AXIN2: variants seen among roughly 807,000 people sequenced by gnomAD.
The protein encoded by AXIN2 is axin-2.
Under a neutral mutation model 74.7 loss-of-function variants are expected in AXIN2, and 21 were observed. The observed-to-expected ratio is 0.28, with a 90% CI of 0.20 to 0.40. The LOEUF (loss-of-function observed/expected upper bound fraction) is 0.40. Ranked by LOEUF, AXIN2 falls within the 10% of genes least tolerant of loss-of-function variation. The pLI, the probability that AXIN2 is intolerant of heterozygous loss-of-function variation, is 1.00. For synonymous variants in AXIN2, 532 were observed against 454.9 expected (o/e 1.17, Z -2.16); for missense variants, 1,144 against 1,111.1 (o/e 1.03, Z -0.42).
intron 10 of AXIN2, among the ~76,000 whole-genome samples, chr17:65,532,446 T>C (rs866100291): frequency 1.1e-4 from 16 of 152,194 alleles, no homozygotes; most frequent in African/African-American, 3.1e-4. Context: ...CAGCCAGGCC[T>C]GTTCCCCCAC....
chr17:65,541,585 C>T, intron 3 of AXIN2, 28 bp from the exon 4 acceptor site: 2 of 1,586,740 alleles, frequency 1.3e-6, no homozygotes, highest in Non-Finnish European at 1.7e-6. Context: ...ACAGAATCCA[C>T]AGGCTTACGA....
chr17:65,535,618 A>G lies in AXIN2; in HGVS notation c.2237+8T>C. On this transcript the variant is annotated splice_region_variant and intron_variant, in intron 9 of 10. Transcript: ENST00000307078. ...CAGATCTCAGTAATGTCAGGTAAAGACACTCACTCTTCTGGAGCCAGGCTT... is the reference window on the plus strand; with the variant it reads ...CAGATCTCAGTAATGTCAGGTAAAGGCACTCACTCTTCTGGAGCCAGGCTT... 6.2e-7 allele frequency: 1 copy of G among 1,613,064 alleles called. No homozygotes were observed.
intron 9 of AXIN2, 142 bp from the exon 10 acceptor site, chr17:65,534,221 G>A: frequency 9.5e-7 from 1 of 1,050,276 alleles, no homozygotes; most frequent in Non-Finnish European, 1.4e-6. Flanking sequence ...GTGGGGGCTG[G>A]GGCAGAGCCC....
Position 65,549,534 on chromosome 17 carries a change from C to A in AXIN2, c.942G>T (p.Met314Ile), listed in dbSNP as rs945493883. 5 of 1,612,470 alleles carry A rather than the reference C, an allele frequency of 3.1e-6. No individual in the cohort carries two copies. In the Admixed American group the frequency reaches 8.4e-5, roughly 27 times the overall value. Residue 314 changes from methionine (M) to isoleucine (I), a missense_variant, in exon 3 of 11, where the codon ATG becomes ATT. Transcript: ENST00000307078. ...AGGATACTCACACACTGCTGTCCGT[C>A]ATGGACATGGAATCATCCGTCAGCG... ...SDALTDDSMS[M>I]TDSSVDGIPP...
chr17:65,536,631 A>AC, intron 7 of AXIN2, 78 bp from the exon 8 acceptor site: 1 of 1,532,770 alleles, frequency 6.5e-7, no homozygotes, highest in Non-Finnish European at 9.0e-7. Flanking sequence ...ACTTCAATAG[A>AC]AACTTGTCTA....
At chr17:65,538,788 A>T (rs1257307529) in intron 4 of AXIN2, among the ~76,000 whole-genome samples, 16 of 151,750 alleles carry the variant, frequency 1.1e-4, no homozygotes, top group Non-Finnish European at 1.9e-4. Flanking sequence ...TTGAAAATTT[A>T]AAAAAATAAG....
intron 7 of AXIN2, 40 bp from the exon 8 acceptor site, chr17:65,536,593 A>C: frequency 6.2e-7 from 1 of 1,605,768 alleles, no homozygotes; most frequent in Non-Finnish European, 8.5e-7. Flanking sequence ...GAAGGAAAGA[A>C]ACTGGGTTAG....
chr17:65,551,296 T>C (rs1175868758), intron 2 of AXIN2, among the ~76,000 whole-genome samples: 2 of 614 alleles, frequency 3.3e-3, no homozygotes, highest in East Asian at 0.032. Flanking sequence ...AACCCAGGAC[T>C]AGGTAAAGGG....
At chr17:65,534,813 C>G (rs994251983) in intron 9 of AXIN2, among the ~76,000 whole-genome samples, 2 of 152,056 alleles carry the variant, frequency 1.3e-5, no homozygotes, top group Admixed American at 6.5e-5. Flanking sequence ...GCCTGCAATC[C>G]CAGCTACTCG....
At position 65,537,739 on chromosome 17, in the gene AXIN2, C is replaced by G. The variant is rs1168951676; in HGVS notation, c.1297G>C (p.Glu433Gln). The change falls in exon 6 of 11, where the codon GAA (glutamate) becomes CAA (glutamine). Residue 433 changes from glutamate to glutamine, a missense_variant. Glu to Gln is a conservative substitution (Grantham distance 29). Around this residue, in one of 4 missense-constraint regions of AXIN2, gnomAD observed 1,053 missense variants for 973.5 expected, o/e 1.08. Transcript: ENST00000307078. ...TCGTCCAGTATCGTCTGCGGGTCTT[C>G]CTCGTAGCTGCCGGAGGGCAGTAGG... ...LSLLPSGSYE[E>Q]DPQTILDDHL... The G allele has an allele frequency of 4.5e-6, 7 of 1,567,802 alleles. No homozygotes were observed. Among genetic ancestry groups the G allele is most frequent in the African/African-American group, 1.4e-5 (1 of 73,890 alleles).
chr17:65,560,407 G>A (rs1385601692), intron 1 of AXIN2: 1 of 151,478 alleles, frequency 6.6e-6, no homozygotes, highest in Non-Finnish European at 1.5e-5. Context: ...AGGAGAGGAT[G>A]GGGCGGAGGA....
At chr17:65,555,556 A>G (rs1190229124) in intron 2 of AXIN2, among the ~76,000 whole-genome samples, 3 of 151,736 alleles carry the variant, frequency 2.0e-5, no homozygotes, top group Non-Finnish European at 2.9e-5. Context: ...TATACTAATT[A>G]TAACACTTTG....
chr17:65,548,008 G>A (rs951484787), intron 3 of AXIN2, among the ~76,000 whole-genome samples: 2 of 152,168 alleles, frequency 1.3e-5, no homozygotes, highest in Non-Finnish European at 2.9e-5. Flanking sequence ...AGAGCAAAAT[G>A]TATTCTAAGA....
chr17:65,538,393 G>A, intron 4 of AXIN2, 50 bp from the exon 5 acceptor site: 3 of 1,610,262 alleles, frequency 1.9e-6, no homozygotes, highest in Non-Finnish European at 2.5e-6. Context: ...CAGGCTAGGT[G>A]GGCGGTGGCT....
intron 2 of AXIN2, 77 bp from the exon 3 acceptor site, chr17:65,549,737 C>A (rs2044166307): frequency 7.2e-6 from 11 of 1,527,506 alleles, no homozygotes; most frequent in Non-Finnish European, 9.8e-6. Context: ...CCCAGGACAA[C>A]CCAGCACACT....
chr17:65,544,802 T>C (rs748918895), intron 3 of AXIN2, among the ~76,000 whole-genome samples: 1 of 152,166 alleles, frequency 6.6e-6, no homozygotes, highest in Non-Finnish European at 1.5e-5. Context: ...CCGAGCCAAT[T>C]AGCTTAGCCT....
chr17:65,536,871 A>ATGGGGC lies in AXIN2; in HGVS notation c.1899_1904dup (p.Pro634_His635insGlnPro). ...CGGCGGCGGCAAGCGGTGTTTACCTATGGGGCTTGGGCTTGCTCTGCCGCT... is the reference window on the plus strand; with the variant it reads ...CGGCGGCGGCAAGCGGTGTTTACCTATGGGGCTGGGGCTTGGGCTTGCTCTGCCGCT... On this transcript the variant is annotated inframe_insertion, in exon 7 of 11. Transcript: ENST00000307078. 1 of 1,613,112 alleles carries ATGGGGC rather than the reference A, an allele frequency of 6.2e-7. No homozygotes were observed. The highest frequency in any genetic ancestry group is 8.5e-7 in the Non-Finnish European group (1 of 1,179,880).
In AXIN2 at chr17:65,529,948, A is replaced by G. The variant is rs562852016; in HGVS notation, c.*28T>C. The G allele has an allele frequency of 3.1e-6, 5 of 1,614,048 alleles. No individual in the cohort carries two copies. In the South Asian group the frequency reaches 5.5e-5, roughly 18 times the overall value. On this transcript the variant is annotated 3_prime_UTR_variant, in exon 11 of 11. Transcript: ENST00000307078. Reference sequence around the variant, plus strand: ...CAGTTCACAAGAGCTTCGGGCTCCAACAGTTCACCAAAGCCAGACCCCAGG... The same window carrying G: ...CAGTTCACAAGAGCTTCGGGCTCCAGCAGTTCACCAAAGCCAGACCCCAGG...
chr17:65,558,321 C>T lies in AXIN2; in HGVS notation c.300G>A (p.Glu100=), dbSNP rs776694159. The change falls in exon 2 of 11, where the codon GAG becomes GAA. Residue 100 remains glutamate (E), a synonymous_variant. Coordinates refer to ENST00000307078, the MANE Select transcript of AXIN2 (RefSeq NM_004655.4). ...DGAYLFRTFL[E]REKCVDTLDF... is the part of the protein sequence containing the mutation. ...CTAAGGTATCCACGCATTTCTCCCTCTCCAGGAAAGTTCGGAACAGGTAAG... is the reference window on the plus strand; with the variant it reads ...CTAAGGTATCCACGCATTTCTCCCTTTCCAGGAAAGTTCGGAACAGGTAAG... 1 of 1,614,238 alleles carries T rather than the reference C, an allele frequency of 6.2e-7. No individual in the cohort carries two copies. The highest frequency in any genetic ancestry group is 1.1e-5 in the South Asian group (1 of 91,082).
Sources: allele counts gnomAD v4.1 joint callset (sites outside exome capture counted in the v4.1 genomes callset), GRCh38; gene constraint gnomAD v4.1.1; regional missense constraint gnomAD v4.1.1; transcripts MANE v1.5; gene names NCBI Gene and HGNC (gene_info 2026-07-23, HGNC 2026-07-21).